EPHA4: variants seen among roughly 807,000 people sequenced by gnomAD.
EPHA4 encodes the protein EPH receptor A4.
Under a neutral mutation model 108.3 loss-of-function variants are expected in EPHA4, and 19 were observed. The observed-to-expected ratio is 0.18, with a 90% confidence interval of 0.12 to 0.26. The LOEUF (loss-of-function observed/expected upper bound fraction) is 0.26, where lower values mean the gene tolerates loss of function less well. Ranked by LOEUF, EPHA4 falls within the 10% of genes least tolerant of loss-of-function variation. The pLI is 1.00. For synonymous variants in EPHA4, 449 were observed against 455.5 expected (o/e 0.99, Z 0.18); for missense variants, 917 against 1,254.0 (o/e 0.73, Z 4.06).
intron 5 of EPHA4, among the ~76,000 whole-genome samples, chr2:221,465,469 A>G (rs1436769458): frequency 6.6e-6 from 1 of 152,182 alleles, no homozygotes; most frequent in Admixed American, 6.5e-5. Context: ...AATTGTTTGC[A>G]TAGGGAAGTT....
At chr2:221,570,928 C>G (rs1009834078) in intron 1 of EPHA4, among the ~76,000 whole-genome samples, 1 of 151,842 alleles carries the variant, frequency 6.6e-6, no homozygotes, top group Non-Finnish European at 1.5e-5. Flanking sequence ...GATGGACGGA[C>G]GGATAGATAG....
At chr2:221,510,889 A>G (rs1425680766) in intron 3 of EPHA4, among the ~76,000 whole-genome samples, 1 of 152,294 alleles carries the variant, frequency 6.6e-6, no homozygotes, top group East Asian at 1.9e-4. Context: ...AAACTCTCTA[A>G]TTTACTTCTC....
intron 15 of EPHA4, among the ~76,000 whole-genome samples, chr2:221,428,608 A>C (rs1316470375): frequency 6.6e-6 from 1 of 152,212 alleles, no homozygotes; most frequent in Admixed American, 6.5e-5. Context: ...TGAAGATCTA[A>C]AAGGTGGAAG....
At chr2:221,421,295 G>A (rs1399879496) in intron 17 of EPHA4, among the ~76,000 whole-genome samples, 3 of 150,214 alleles carry the variant, frequency 2.0e-5, no homozygotes, top group Non-Finnish European at 4.4e-5. Flanking sequence ...GCGAGACTCT[G>A]TCTCAAAAAA....
Position 221,530,043 on chromosome 2 carries a change from G to A in EPHA4, c.824-28871C>T, listed in dbSNP as rs115985956. 9.7e-3 allele frequency among the ~76,000 whole-genome samples: 1,482 copies of A among 152,184 alleles called. 19 individuals carry two copies. Among genetic ancestry groups the A allele is most frequent in the African/African-American group, 0.026 (1,096 of 41,522 alleles). ...AATATCCAAATAATAAACACCCAACGCAAACAGTCCAGTAGGGGCAGGTAA... is the reference window on the plus strand; with the variant it reads ...AATATCCAAATAATAAACACCCAACACAAACAGTCCAGTAGGGGCAGGTAA... On this transcript the variant is annotated intron_variant, in intron 3 of 17. Transcript: ENST00000281821.
chr2:221,467,781 G>C (rs1691356057), intron 5 of EPHA4, among the ~76,000 whole-genome samples: 1 of 152,194 alleles, frequency 6.6e-6, no homozygotes, highest in South Asian at 2.1e-4. Context: ...GGAGCTGCTT[G>C]TTTTACTTTC....
At chr2:221,532,502 C>A (rs538115248) in intron 3 of EPHA4, among the ~76,000 whole-genome samples, 2 of 152,184 alleles carry the variant, frequency 1.3e-5, no homozygotes, top group Non-Finnish European at 2.9e-5. Flanking sequence ...TGATTACTGG[C>A]CATTTTAATT....
intron 4 of EPHA4, among the ~76,000 whole-genome samples, chr2:221,491,647 A>G (rs1692145888): frequency 6.6e-6 from 1 of 152,106 alleles, no homozygotes; most frequent in Admixed American, 6.6e-5. Context: ...CATGATGATG[A>G]TGGCTAGCTA....
intron 11 of EPHA4, among the ~76,000 whole-genome samples, chr2:221,441,616 G>A (rs1453464124): frequency 6.6e-6 from 1 of 152,088 alleles, no homozygotes; most frequent in East Asian, 1.9e-4. Flanking sequence ...CACTGAGCTG[G>A]TTAACACTTA....
chr2:221,441,585 A>C (rs1248077370), intron 11 of EPHA4, among the ~76,000 whole-genome samples: 1 of 152,048 alleles, frequency 6.6e-6, no homozygotes, highest in East Asian at 1.9e-4. Flanking sequence ...GAGGGTGAAA[A>C]AGGCTGTCAC....
At position 221,457,866 on chromosome 2, in the gene EPHA4, C is replaced by T. The variant is rs1219761829; in HGVS notation, c.1443G>A (p.Lys481=). The T allele has an allele frequency of 6.2e-7, 1 of 1,612,726 alleles. No individual in the cohort carries two copies. The highest frequency in any genetic ancestry group is 8.5e-7 in the Non-Finnish European group (1 of 1,179,306). Residue 481 remains lysine (K), a splice_region_variant and synonymous_variant, in exon 6 of 18, where the codon AAG becomes AAA. Transcript: ENST00000281821. ...GGAGTGTTGTTCACTCAAGTAATACCTTCTCATAATACTTGACTTCATATT... is the reference window on the plus strand; with the variant it reads ...GGAGTGTTGTTCACTCAAGTAATACTTTCTCATAATACTTGACTTCATATT... ...ILEYEVKYYE[K]DQNERSYRIV...
Position 221,482,476 on chromosome 2 carries a change from G to C in EPHA4, c.1194C>G (p.Val398=). ...TATGAGCTAGGAGGTCAGTGATGGA[G>C]ACTTTGGTGGTCTTCAAGCCATTCT... is the stretch of plus-strand genomic sequence containing the variant. ...PQQNGLKTTK[V]SITDLLAHTN... The change falls in exon 5 of 18, where the codon GTC becomes GTG. Residue 398 remains valine, a synonymous_variant. Coordinates refer to ENST00000281821, the MANE Select transcript of EPHA4 (RefSeq NM_004438.5). 1.9e-6 allele frequency: 3 copies of C among 1,614,140 alleles called. No individual in the cohort carries two copies. The African/African-American group carries it at 4.0e-5, about 22-fold the overall frequency.
intron 2 of EPHA4, among the ~76,000 whole-genome samples, chr2:221,566,898 GA>G: frequency 2.6e-5 from 1 of 38,386 alleles, no homozygotes; most frequent in African/African-American, 1.7e-4. Flanking sequence ...AGGAGAAGGA[GA>G]AGGAGAAGGA....
intron 3 of EPHA4, among the ~76,000 whole-genome samples, chr2:221,512,508 T>G (rs578094831): frequency 3.9e-5 from 6 of 152,280 alleles, no homozygotes; most frequent in African/African-American, 1.4e-4. Context: ...GGATCAAGCT[T>G]TTTGATGAGT....
At position 221,499,739 on chromosome 2, in the gene EPHA4, TA is replaced by T. The variant is rs1559267626; in HGVS notation, c.979+1277del. ...TAATATATATATATATATATATATATATATATATATATATATATTTTTTTTT... is the reference window on the plus strand; with the variant it reads ...TAATATATATATATATATATATATATTATATATATATATATATTTTTTTTT... On this transcript the variant is annotated intron_variant, in intron 4 of 17. Coordinates refer to ENST00000281821, the MANE Select transcript of EPHA4 (RefSeq NM_004438.5). 1.4e-3 allele frequency among the ~76,000 whole-genome samples: 78 copies of T among 54,858 alleles called. 1 individual carries two copies. The East Asian group carries it at 0.021, about 15-fold the overall frequency. 36.0% of individuals were successfully genotyped at this position (54,858 alleles called of 152,430 possible). A position where few individuals can be genotyped will look rare whatever the true frequency, so the allele number is the denominator to read the frequency against.
chr2:221,572,955 C>G (rs1402010992), upstream of EPHA4: 2 of 152,288 alleles, frequency 1.3e-5, no homozygotes, highest in East Asian at 3.9e-4. Context: ...AACGTCCAGT[C>G]CGCAGCAGGG....
chr2:221,513,371 G>A (rs1316386864), intron 3 of EPHA4, among the ~76,000 whole-genome samples: 6 of 152,218 alleles, frequency 3.9e-5, no homozygotes, highest in Admixed American at 2.0e-4. Context: ...ATAATTATTT[G>A]ATTAACTCCG....
chr2:221,511,227 T>G (rs1692817727), intron 3 of EPHA4, among the ~76,000 whole-genome samples: 1 of 152,070 alleles, frequency 6.6e-6, no homozygotes, highest in Non-Finnish European at 1.5e-5. Flanking sequence ...TAAAGTGAAC[T>G]AAAAACGGCC....
rs1284570845 is a variant in EPHA4, at chr2:221,437,280, GA to G, written c.2075-159del. 9.3e-5 allele frequency: 50 copies of G among 537,762 alleles called. No homozygotes were observed. In the Middle Eastern group the frequency reaches 2.2e-3, roughly 24 times the overall value. 33.3% of individuals were successfully genotyped at this position (537,762 alleles called of 1,614,324 possible). On this transcript the variant is annotated intron_variant, in intron 11 of 17. Coordinates refer to ENST00000281821, the MANE Select transcript of EPHA4 (RefSeq NM_004438.5). ...TTATGCCTCAGCTGTGGGGAGCTAG[GA>G]ATGAAATATTAAAAGGACGAGTAGG...
Sources: allele counts gnomAD v4.1 joint callset (sites outside exome capture counted in the v4.1 genomes callset), GRCh38; gene constraint gnomAD v4.1.1; transcripts MANE v1.5; gene names NCBI Gene and HGNC (gene_info 2026-07-23, HGNC 2026-07-21).